UBE2E2: variants seen among roughly 807,000 people sequenced by gnomAD.
UBE2E2 encodes the protein ubiquitin-conjugating enzyme E2 E2.
In UBE2E2, 6 loss-of-function variants were observed where a neutral mutation model predicts 24.7. That is an observed-to-expected ratio of 0.24 (90% CI 0.13 to 0.48). The LOEUF (loss-of-function observed/expected upper bound fraction) is 0.48. Among genes scored for constraint, UBE2E2 ranks in the 20% least tolerant of loss-of-function variants. UBE2E2 has a pLI of 0.99. For missense variants in UBE2E2, 169 were observed against 245.0 expected, an observed-to-expected ratio of 0.69 and a Z score of 2.07; for synonymous variants, 104 against 83.6, an observed-to-expected ratio of 1.24 and a Z score of -1.33.
At chr3:23,539,425 TA>T (rs1188350748) in intron 5 of UBE2E2, among the ~76,000 whole-genome samples, 3 of 152,232 alleles carry the variant, frequency 2.0e-5, no homozygotes, top group Admixed American at 1.3e-4. Flanking sequence ...TGGGATACCT[TA>T]AAAAGTGCTT....
At chr3:23,243,733 C>T (rs1051554919) in intron 3 of UBE2E2, among the ~76,000 whole-genome samples, 8 of 144,698 alleles carry the variant, frequency 5.5e-5, no homozygotes, top group African/African-American at 2.0e-4. Context: ...AATCACTTGT[C>T]TACAAATAGT....
chr3:23,569,893 G>C (rs1189799674), intron 5 of UBE2E2, among the ~76,000 whole-genome samples: 1 of 152,050 alleles, frequency 6.6e-6, no homozygotes, highest in African/African-American at 2.4e-5. Flanking sequence ...TGTTTTATGA[G>C]CACTATTGAC....
chr3:23,473,216 A>G (rs989031352), intron 3 of UBE2E2, among the ~76,000 whole-genome samples: 1 of 151,936 alleles, frequency 6.6e-6, no homozygotes, highest in Non-Finnish European at 1.5e-5. Context: ...AGTTTTTGTC[A>G]TGTTTAAATG....
intron 3 of UBE2E2, among the ~76,000 whole-genome samples, chr3:23,301,839 T>C (rs1699103961): frequency 7.1e-6 from 1 of 141,076 alleles, no homozygotes. Context: ...TCACCAGTCT[T>C]CTGCGTGGCT....
intron 3 of UBE2E2, among the ~76,000 whole-genome samples, chr3:23,321,599 C>T (rs564454865): frequency 6.7e-6 from 1 of 149,820 alleles, no homozygotes; most frequent in East Asian, 2.0e-4. Flanking sequence ...CTCAACTGAC[C>T]CCACTAGAAT....
intron 3 of UBE2E2, among the ~76,000 whole-genome samples, chr3:23,230,928 C>T (rs75783252): frequency 6.6e-6 from 1 of 151,886 alleles, no homozygotes; most frequent in African/African-American, 2.4e-5. Context: ...GTAGAACTAG[C>T]GCTGCTCTGT....
chr3:23,246,503 G>A (rs1697406819), intron 3 of UBE2E2, among the ~76,000 whole-genome samples: 1 of 147,880 alleles, frequency 6.8e-6, no homozygotes, highest in Non-Finnish European at 1.5e-5. Context: ...CCAAAGTTCT[G>A]GGATTACAGG....
intron 5 of UBE2E2, among the ~76,000 whole-genome samples, chr3:23,566,729 C>G (rs193140102): frequency 1.3e-5 from 2 of 152,258 alleles, no homozygotes; most frequent in Admixed American, 1.3e-4. Context: ...CTGAGCCGTT[C>G]ATGAGGGATC....
intron 1 of UBE2E2, chr3:23,204,681 C>T (rs2125313166): frequency 1.0e-6 from 1 of 985,214 alleles, no homozygotes; most frequent in Middle Eastern, 5.2e-4. Flanking sequence ...TCTCTTTCCC[C>T]TGCAGCACCT....
chr3:23,324,610 G>A (rs1229861884), intron 3 of UBE2E2, among the ~76,000 whole-genome samples: 1 of 152,024 alleles, frequency 6.6e-6, no homozygotes, highest in Non-Finnish European at 1.5e-5. Context: ...TAAATTTTAG[G>A]TGTGAAGAAC....
intron 3 of UBE2E2, among the ~76,000 whole-genome samples, chr3:23,359,251 C>T (rs1164069820): frequency 6.6e-6 from 1 of 152,124 alleles, no homozygotes; most frequent in South Asian, 2.1e-4. Flanking sequence ...TGGCAGAGTG[C>T]TGGTCCTGTC....
In UBE2E2 at chr3:23,583,637, T is replaced by C. The variant is rs747058522; in HGVS notation, c.509-6097T>C. Among the ~76,000 whole-genome samples the C allele has an allele frequency of 6.6e-6, 1 of 152,228 alleles. No individual in the cohort carries two copies. The highest frequency in any genetic ancestry group is 1.5e-5 in the Non-Finnish European group (1 of 68,040). On this transcript the variant is annotated intron_variant, in intron 5 of 5. Transcript: ENST00000396703. The surrounding 1 kb of genome is among the most constrained non-coding windows in gnomAD (Gnocchi z 4.1). ...TTGTAATTCTCATTGTAAAGATCTT[T>C]CACCTCCCTGGTTAGCTGTATTTTA...
chr3:23,530,747 G>T (rs1020292069), intron 4 of UBE2E2, among the ~76,000 whole-genome samples: 1 of 152,054 alleles, frequency 6.6e-6, no homozygotes, highest in Non-Finnish European at 1.5e-5. Flanking sequence ...ATATAAGGGC[G>T]CTCAATTCTA....
intron 3 of UBE2E2, among the ~76,000 whole-genome samples, chr3:23,454,570 A>G (rs1698633780): frequency 1.3e-5 from 2 of 152,240 alleles, no homozygotes; most frequent in African/African-American, 2.4e-5. Context: ...TGCTTACAGT[A>G]CAAGAAATAC....
chr3:23,571,478 C>T (rs566731911), intron 5 of UBE2E2, among the ~76,000 whole-genome samples: 1 of 151,150 alleles, frequency 6.6e-6, no homozygotes, highest in Non-Finnish European at 1.5e-5. Context: ...TTAGTAGGGA[C>T]AGGGTTTCAC....
At chr3:23,224,809 G>T (rs1052332925) in intron 3 of UBE2E2, among the ~76,000 whole-genome samples, 7 of 151,920 alleles carry the variant, frequency 4.6e-5, no homozygotes, top group South Asian at 2.1e-4. Flanking sequence ...GAACATTTAT[G>T]TACAGGTTTT....
intron 4 of UBE2E2, among the ~76,000 whole-genome samples, chr3:23,502,538 G>A (rs1005083533): frequency 3.9e-5 from 6 of 152,120 alleles, no homozygotes; most frequent in African/African-American, 1.2e-4. Flanking sequence ...GGAATGATTC[G>A]AGATGCCCCT....
chr3:23,223,058 C>T (rs190653642), intron 3 of UBE2E2, among the ~76,000 whole-genome samples: 1 of 115,970 alleles, frequency 8.6e-6, no homozygotes, highest in African/African-American at 3.3e-5. Context: ...CTCTCTCTGT[C>T]ACTCAGGCTG....
chr3:23,390,260 C>T (rs891742058), intron 3 of UBE2E2, among the ~76,000 whole-genome samples: 6 of 152,110 alleles, frequency 3.9e-5, no homozygotes, highest in Non-Finnish European at 5.9e-5. Flanking sequence ...TTTGGTCTGC[C>T]CTGCCTCCCT....
Sources: allele counts gnomAD v4.1 joint callset (sites outside exome capture counted in the v4.1 genomes callset), GRCh38; gene constraint gnomAD v4.1.1; non-coding constraint Gnocchi (gnomAD v3.1); transcripts MANE v1.5; gene names NCBI Gene and HGNC (gene_info 2026-07-23, HGNC 2026-07-21).